SI: variants seen among roughly 807,000 people sequenced by gnomAD.
SI encodes sucrase-isomaltase, also known as sucrase-isomaltase, intestinal.
Under a neutral mutation model 253.3 loss-of-function variants are expected in SI, and 235 were observed. The observed-to-expected ratio is 0.93, with a 90% CI of 0.83 to 1.03. SI has a LOEUF of 1.03. Ranked by LOEUF, SI falls within the 50% of genes least tolerant of loss-of-function variation. The pLI is 0.00. For synonymous variants in SI, 819 were observed against 712.0 expected (o/e 1.15, Z -2.39); for missense variants, 2,442 against 2,211.1 (o/e 1.10, Z -2.09).
intron 9 of SI, among the ~76,000 whole-genome samples, chr3:165,061,715 G>T (rs1446702103): frequency 6.6e-6 from 1 of 151,974 alleles, no homozygotes. Context: ...TGAAAAGAGA[G>T]AAATTACATG....
intron 20 of SI, among the ~76,000 whole-genome samples, chr3:165,038,333 G>T (rs1712639414): frequency 6.6e-6 from 1 of 151,654 alleles, no homozygotes; most frequent in African/African-American, 2.4e-5. Context: ...CTTTAGGAAG[G>T]ATTTTCTTAA....
intron 3 of SI, among the ~76,000 whole-genome samples, chr3:165,073,502 C>A (rs1418792698): frequency 1.3e-5 from 2 of 151,790 alleles, no homozygotes; most frequent in Admixed American, 6.6e-5. Context: ...AAATTGCATG[C>A]TTACTATGAT....
At position 164,992,298 on chromosome 3, in the gene SI, T is replaced by C. The variant is rs1243832198; in HGVS notation, c.4926+15A>G. On this transcript the variant is annotated intron_variant, in intron 42 of 47. Coordinates refer to ENST00000264382, the MANE Select transcript of SI (RefSeq NM_001041.4). ...AAAGAAAATTGTGTAAACAAAAATATGTGGTAGGACTTACAGGTTCCAGTA... is the reference window on the plus strand; with the variant it reads ...AAAGAAAATTGTGTAAACAAAAATACGTGGTAGGACTTACAGGTTCCAGTA... The C allele has an allele frequency of 2.5e-6, 4 of 1,612,204 alleles. No homozygotes were observed. The highest frequency in any genetic ancestry group is 1.3e-5 in the African/African-American group (1 of 74,844).
chr3:165,007,934 A>T lies in SI; in HGVS notation c.4244T>A (p.Leu1415Gln), dbSNP rs780864466. The T allele has an allele frequency of 1.3e-6, 2 of 1,593,248 alleles. No individual in the cohort carries two copies. The highest frequency in any genetic ancestry group is 8.6e-7 in the Non-Finnish European group (1 of 1,162,372). Residue 1415 changes from leucine (L) to glutamine (Q), a missense_variant, in exon 36 of 48, where the codon CTA becomes CAA. Leu to Gln is a moderately radical substitution (Grantham distance 113). Transcript: ENST00000264382. ...ACCTGGGAAATAAGGTGGATAATTT[A>T]GTTCGTCATTTCTGCATTGATTAGT... The part of the protein sequence containing the change: ...TTTNQCRNDE[L>Q]NYPPYFPELT...
At chr3:165,055,928 A>G (rs567415797) in intron 12 of SI, among the ~76,000 whole-genome samples, 1 of 152,242 alleles carries the variant, frequency 6.6e-6, no homozygotes, top group East Asian at 1.9e-4. Flanking sequence ...TTCAAAGTCA[A>G]TCTACTAATA....
At chr3:165,002,262 CA>C (rs2108146147) in intron 37 of SI, among the ~76,000 whole-genome samples, 1 of 151,728 alleles carries the variant, frequency 6.6e-6, no homozygotes, top group South Asian at 2.1e-4. Context: ...TATTTCAATA[CA>C]ACATTGAATT....
rs774405472 is a variant in SI at position 165,030,869 on chromosome 3, T to C, written c.2737-2A>G. ...TTTGAGATCTGCAATTAGGAGAACCTTTGAAGACAAAAAAAAAAAAAGAAA... is the reference window on the plus strand; with the variant it reads ...TTTGAGATCTGCAATTAGGAGAACCCTTGAAGACAAAAAAAAAAAAAGAAA... On this transcript the variant is annotated splice_acceptor_variant, in intron 24 of 47. Transcript: ENST00000264382. LOFTEE classifies it high-confidence loss of function. The C allele has an allele frequency of 2.4e-5, 36 of 1,518,156 alleles. No homozygotes were observed. The highest frequency in any genetic ancestry group is 3.0e-5 in the Non-Finnish European group (34 of 1,140,226). The allele number at this position is 1,518,156 out of a possible 1,614,324, so 94.0% of individuals were successfully genotyped here.
Position 165,021,180 on chromosome 3 carries a change from G to A in SI, c.3254+49C>T, listed in dbSNP as rs113831482. ...TGTTAATCATTTTACTTTTCCCTTC[G>A]TAAGCTAAAATTAAAATATCCTTTA... is the stretch of plus-strand genomic sequence containing the variant. On this transcript the variant is annotated intron_variant, in intron 27 of 47. Coordinates refer to ENST00000264382, the MANE Select transcript of SI (RefSeq NM_001041.4). 3.4e-4 allele frequency: 518 copies of A among 1,537,970 alleles called. 1 individual carries two copies. Among genetic ancestry groups the A allele is most frequent in the African/African-American group, 2.8e-3 (204 of 73,246 alleles).
chr3:165,040,429 G>T (rs748420398), intron 18 of SI, among the ~76,000 whole-genome samples: 6 of 151,832 alleles, frequency 4.0e-5, no homozygotes, highest in Non-Finnish European at 8.8e-5. Flanking sequence ...TATAAGATAG[G>T]TTCATAAAGT....
chr3:164,990,243 G>A (rs1383213581), intron 44 of SI, among the ~76,000 whole-genome samples: 1 of 151,896 alleles, frequency 6.6e-6, no homozygotes, highest in Non-Finnish European at 1.5e-5. Flanking sequence ...ATAAGTCTTT[G>A]AAAAACAGGT....
intron 15 of SI, among the ~76,000 whole-genome samples, 156 bp from the exon 16 acceptor site, chr3:165,047,168 T>G (rs1467607807): frequency 6.6e-6 from 1 of 152,104 alleles, no homozygotes; most frequent in Non-Finnish European, 1.5e-5. Flanking sequence ...AATTCCCAGA[T>G]GTTGTGAGAG....
intron 13 of SI, among the ~76,000 whole-genome samples, chr3:165,051,395 G>C (rs1168061774): frequency 6.6e-6 from 1 of 151,950 alleles, no homozygotes; most frequent in Admixed American, 6.6e-5. Flanking sequence ...AATTAATATA[G>C]TTATTCCAAA....
At chr3:165,016,827 G>A (rs769665143) in intron 31 of SI, among the ~76,000 whole-genome samples, 5 of 151,608 alleles carry the variant, frequency 3.3e-5, no homozygotes, top group East Asian at 1.9e-4. Context: ...AAATTTCCAC[G>A]TGCATGTTTC....
intron 46 of SI, 149 bp downstream of exon 46, chr3:164,982,853 G>T: frequency 1.6e-6 from 1 of 644,412 alleles, no homozygotes; most frequent in Non-Finnish European, 2.6e-6. Flanking sequence ...GTCCCATTAT[G>T]TTGCCCAGAC....
intron 45 of SI, 63 bp from the exon 46 acceptor site, chr3:164,983,114 C>A: frequency 6.9e-7 from 1 of 1,450,492 alleles, no homozygotes; most frequent in Non-Finnish European, 9.5e-7. Flanking sequence ...TAGTAAATAC[C>A]TGTATACTTT....
At chr3:165,002,542 TA>T (rs1718302570) in intron 37 of SI, among the ~76,000 whole-genome samples, 1 of 151,718 alleles carries the variant, frequency 6.6e-6, no homozygotes, top group Non-Finnish European at 1.5e-5. Context: ...AATAAGTCAC[TA>T]AAAAACAAAA....
intron 16 of SI, among the ~76,000 whole-genome samples, chr3:165,044,124 G>T (rs1046268388): frequency 6.6e-6 from 1 of 151,948 alleles, no homozygotes; most frequent in African/African-American, 2.4e-5. Context: ...TGTATAAGGT[G>T]TATATGAAAC....
At chr3:165,043,314 A>T in intron 16 of SI, 139 bp from the exon 17 acceptor site, 1 of 613,958 alleles carries the variant, frequency 1.6e-6, no homozygotes. Context: ...CCTTAAACCA[A>T]TTTATTTTCC....
intron 25 of SI, 148 bp from the exon 26 acceptor site, chr3:165,023,924 AT>A: frequency 1.5e-6 from 1 of 663,202 alleles, no homozygotes; most frequent in East Asian, 2.7e-5. Context: ...CACAAAATAT[AT>A]TTTATGCAAT....
Sources: gnomAD v4.1 joint callset for allele counts (sites outside exome capture counted in the v4.1 genomes callset) on GRCh38, gnomAD v4.1.1 for gene constraint, MANE v1.5 for transcripts, NCBI Gene and HGNC (gene_info 2026-07-23, HGNC 2026-07-21) for gene names.